DPP6: variants seen among roughly 807,000 people sequenced by gnomAD.
DPP6 encodes the protein A-type potassium channel modulatory protein DPP6.
DPP6 carries 69 observed loss-of-function variants against 122.6 expected under a neutral mutation model. The observed-to-expected ratio is 0.56, with a 90% confidence interval of 0.46 to 0.69. The LOEUF (loss-of-function observed/expected upper bound fraction) is 0.69. DPP6 is among the 30% of genes least tolerant of loss of function. DPP6 has a pLI of 0.00. For missense variants in DPP6, 928 were observed against 1,116.9 expected (o/e 0.83, Z 2.41); for synonymous variants, 418 against 433.1 (o/e 0.97, Z 0.43).
the DPP6 span, among the ~76,000 whole-genome samples, chr7:153,786,983 G>A: frequency 3.0e-3 from 437 of 145,344 alleles, 9 homozygotes; most frequent in African/African-American, 0.011. Context: ...ATGGACTCTC[G>A]CTCTGTCGCC....
intron 5 of DPP6, among the ~76,000 whole-genome samples, chr7:154,599,580 A>G (rs1833304656): frequency 6.6e-6 from 1 of 151,760 alleles, no homozygotes; most frequent in African/African-American, 2.4e-5. Flanking sequence ...TTACATATGT[A>G]TACATGTTAC....
intron 1 of DPP6, among the ~76,000 whole-genome samples, chr7:153,930,214 A>T (rs1801109119): frequency 6.6e-6 from 1 of 152,208 alleles, no homozygotes; most frequent in Non-Finnish European, 1.5e-5. Flanking sequence ...CAGAAGACAG[A>T]TTTCCATCCT....
intron 1 of DPP6, among the ~76,000 whole-genome samples, chr7:154,130,564 G>A (rs1294664777): frequency 6.6e-6 from 1 of 152,180 alleles, no homozygotes; most frequent in African/African-American, 2.4e-5. Context: ...GAGGGAAAGC[G>A]TATCCGAAAC....
At chr7:154,608,598 A>G (rs1216144526) in intron 5 of DPP6, among the ~76,000 whole-genome samples, 1 of 151,380 alleles carries the variant, frequency 6.6e-6, no homozygotes, top group Non-Finnish European at 1.5e-5. Context: ...TGGCCTCCCA[A>G]AGTGCCAGGA....
intron 3 of DPP6, among the ~76,000 whole-genome samples, chr7:154,535,685 TAA>T (rs34063841): frequency 1.4e-5 from 2 of 144,214 alleles, no homozygotes. Flanking sequence ...TAATAAATTG[TAA>T]AAAAAAAAAA....
At chr7:154,349,538 C>G (rs1214923790) in intron 1 of DPP6, among the ~76,000 whole-genome samples, 1 of 152,154 alleles carries the variant, frequency 6.6e-6, no homozygotes, top group Non-Finnish European at 1.5e-5. Flanking sequence ...CATACTTGAC[C>G]CAAGGACACA....
the DPP6 span, among the ~76,000 whole-genome samples, chr7:153,771,880 C>A: frequency 2.6e-5 from 4 of 151,880 alleles, no homozygotes; most frequent in African/African-American, 4.8e-5. Context: ...CACAATGAAA[C>A]AAAGAATATT....
rs10245494 is a variant in DPP6, at chr7:154,470,982, A to G, written c.359-3957A>G. ...AAACACAGCTGCAGCCGGGCATGGTAGCTCACACCTGTAATCCCAGCACTT... is the reference window on the plus strand; with the variant it reads ...AAACACAGCTGCAGCCGGGCATGGTGGCTCACACCTGTAATCCCAGCACTT... On this transcript the variant is annotated intron_variant, in intron 2 of 25. Transcript: ENST00000377770. Among the ~76,000 whole-genome samples, 1,099 of 152,278 alleles carry G rather than the reference A, an allele frequency of 7.2e-3. 19 individuals are homozygous for G. Among genetic ancestry groups the G allele is most frequent in the African/African-American group, 0.025 (1,049 of 41,558 alleles).
intron 6 of DPP6, among the ~76,000 whole-genome samples, chr7:154,663,814 A>G (rs1837940698): frequency 8.0e-6 from 1 of 125,310 alleles, no homozygotes; most frequent in South Asian, 3.1e-4. Context: ...GTCATGGTGA[A>G]TCACCATGGC....
chr7:154,575,632 G>GGT (rs1159537176), intron 5 of DPP6, among the ~76,000 whole-genome samples: 3 of 118,892 alleles, frequency 2.5e-5, no homozygotes, highest in Admixed American at 8.7e-5. Flanking sequence ...GTGTGTGTGT[G>GGT]GTGTGTGTGG....
the DPP6 span, among the ~76,000 whole-genome samples, chr7:153,814,844 C>T: frequency 6.6e-6 from 1 of 151,114 alleles, no homozygotes; most frequent in East Asian, 1.9e-4. Context: ...ATAAACAGAA[C>T]CAAAGACAGA....
At chr7:154,693,711 AC>A (rs1300211463) in intron 7 of DPP6, among the ~76,000 whole-genome samples, 3 of 152,066 alleles carry the variant, frequency 2.0e-5, no homozygotes, top group African/African-American at 7.2e-5. Context: ...TTGGTGTAAA[AC>A]CCTGACGTGT....
At chr7:154,501,211 G>C (rs996042996) in intron 3 of DPP6, among the ~76,000 whole-genome samples, 5 of 151,910 alleles carry the variant, frequency 3.3e-5, no homozygotes, top group African/African-American at 1.2e-4. Flanking sequence ...GGGAAGCAGA[G>C]CATGAAAGTT....
chr7:154,847,392 G>C (rs192253496), intron 16 of DPP6, among the ~76,000 whole-genome samples: 98 of 152,318 alleles, frequency 6.4e-4, no homozygotes, highest in Non-Finnish European at 1.3e-3. Context: ...CTTCTGGGAC[G>C]AGAGAGGACT....
At chr7:154,544,905 A>G (rs1030527897) in intron 4 of DPP6, among the ~76,000 whole-genome samples, 2 of 152,150 alleles carry the variant, frequency 1.3e-5, no homozygotes, top group African/African-American at 4.8e-5. Context: ...CATGACAAGG[A>G]TGCTGCCGCA....
chr7:153,957,292 C>T (rs762508121), intron 1 of DPP6, among the ~76,000 whole-genome samples: 11 of 152,160 alleles, frequency 7.2e-5, no homozygotes, highest in East Asian at 3.9e-4. Context: ...TCTTGCACTC[C>T]GAACCCTCCC....
intron 1 of DPP6, among the ~76,000 whole-genome samples, chr7:153,928,518 A>G (rs1420661119): frequency 6.8e-6 from 1 of 147,656 alleles, no homozygotes; most frequent in African/African-American, 2.5e-5. Flanking sequence ...CTGGCATTAC[A>G]GGTGGGAGCC....
chr7:153,975,391 C>T (rs11763936), intron 1 of DPP6, among the ~76,000 whole-genome samples: 6,613 of 135,666 alleles, frequency 0.049, 213 homozygotes, highest in Non-Finnish European at 0.071. Flanking sequence ...TTTCTAGACT[C>T]TCTATTAGAG....
chr7:154,636,029 C>T (rs11977310), intron 5 of DPP6, among the ~76,000 whole-genome samples: 10,426 of 152,220 alleles, frequency 0.068, 1,168 homozygotes, highest in African/African-American at 0.24. Flanking sequence ...TCTTCTCTCT[C>T]CTCCTCTCCT....
Sources: gnomAD v4.1 joint callset for allele counts (sites outside exome capture counted in the v4.1 genomes callset) on GRCh38, gnomAD v4.1.1 for gene constraint, MANE v1.5 for transcripts, NCBI Gene and HGNC (gene_info 2026-07-23, HGNC 2026-07-21) for gene names.